SPATA31E1: variants seen among roughly 807,000 people sequenced by gnomAD.
The protein encoded by SPATA31E1 is SPATA31 subfamily E member 1.
SPATA31E1 carries 7 observed loss-of-function variants against 12.9 expected under a neutral mutation model. That is an observed-to-expected ratio of 0.54 (90% CI 0.31 to 1.02). SPATA31E1 has a LOEUF of 1.02. SPATA31E1 is among the 50% of genes least tolerant of loss of function. The pLI is 0.05. For synonymous variants in SPATA31E1, 771 were observed against 719.0 expected, an observed-to-expected ratio of 1.07 and a Z score of -1.16; for missense variants, 1,961 against 1,799.8, an observed-to-expected ratio of 1.09 and a Z score of -1.62.
chr9:87,884,089 G>A, intron 2 of SPATA31E1, 43 bp downstream of exon 2: 1 of 1,566,106 alleles, frequency 6.4e-7, no homozygotes, highest in South Asian at 1.2e-5. Flanking sequence ...AGGTAACTGA[G>A]CTTTGCCTGT....
At position 87,885,541 on chromosome 9, in the gene SPATA31E1, G is replaced by A. The variant is rs776407306; in HGVS notation, c.1054G>A (p.Gly352Ser). The stretch of plus-strand genomic sequence containing the variant: ...CCCCACACCCAAGCACATGGAGGTA[G>A]GTGGCTGCACATTCATCCACCCTGA... ...GDPTPKHMEV[G>S]GCTFIHPDVQ... The change falls in exon 4 of 4, where the codon GGT (glycine) becomes AGT (serine). Residue 352 changes from glycine to serine, a missense_variant. Coordinates refer to ENST00000325643, the MANE Select transcript of SPATA31E1 (RefSeq NM_178828.5). 3 of 1,614,194 alleles carry A rather than the reference G, an allele frequency of 1.9e-6. No homozygotes were observed. The Admixed American group carries it at 5.0e-5, about 27-fold the overall frequency.
chr9:87,883,364 C>T (rs983321429), intron 1 of SPATA31E1, among the ~76,000 whole-genome samples, 164 bp downstream of exon 1: 3 of 152,164 alleles, frequency 2.0e-5, no homozygotes, highest in South Asian at 2.1e-4. Context: ...CAGAGGATTC[C>T]ATCCCGAGCT....
Position 87,888,229 on chromosome 9 carries a change from A to C in SPATA31E1, c.3742A>C (p.Asn1248His), listed in dbSNP as rs546006233. The change falls in exon 4 of 4, where the codon AAC becomes CAC. Residue 1248 changes from asparagine (N) to histidine (H), a missense_variant. Physicochemically the swap from Asn to His is moderately conservative, Grantham distance 68 (BLOSUM62 1). Coordinates refer to ENST00000325643, the MANE Select transcript of SPATA31E1 (RefSeq NM_178828.5). ...AGGAGACAAACAAGAAAGGAAATACAACCAGCTTCAGCTGGAGAAGGGACA... is the reference window on the plus strand; with the variant it reads ...AGGAGACAAACAAGAAAGGAAATACCACCAGCTTCAGCTGGAGAAGGGACA... ...EIGDKQERKY[N>H]QLQLEKGQTP... The C allele has an allele frequency of 3.1e-6, 5 of 1,614,034 alleles. No homozygotes were observed. Among genetic ancestry groups the C allele is most frequent in the Non-Finnish European group, 4.2e-6 (5 of 1,180,020 alleles).
Position 87,887,681 on chromosome 9 carries a change from G to A in SPATA31E1, c.3194G>A (p.Arg1065Lys), listed in dbSNP as rs770543472. The A allele has an allele frequency of 6.2e-7, 1 of 1,614,174 alleles. No homozygotes were observed. Among genetic ancestry groups the A allele is most frequent in the Admixed American group, 1.7e-5 (1 of 60,028 alleles). ...ASSGSVQEDLRSTGALGTTGN... is the reference protein window; with the variant it reads ...ASSGSVQEDLKSTGALGTTGN... ...TCGGGAAGTGTTCAGGAGGATCTGA[G>A]GAGCACAGGGGCTCTGGGGACCACT... Residue 1065 changes from arginine to lysine, a missense_variant, in exon 4 of 4, where the codon AGG (arginine) becomes AAG (lysine). Coordinates refer to ENST00000325643, the MANE Select transcript of SPATA31E1 (RefSeq NM_178828.5).
chr9:87,884,477 C>T (rs1393721185), intron 2 of SPATA31E1, 114 bp from the exon 3 acceptor site: 10 of 1,075,398 alleles, frequency 9.3e-6, no homozygotes, highest in South Asian at 2.7e-5. Flanking sequence ...GACACAGATG[C>T]GAGGGCTTCA....
rs1443032924 is a variant in SPATA31E1 at position 87,885,408 on chromosome 9, T to C, written c.921T>C (p.Tyr307=). 6.2e-7 allele frequency: 1 copy of C among 1,613,954 alleles called. No homozygotes were observed. The highest frequency in any genetic ancestry group is 1.1e-5 in the South Asian group (1 of 91,068). ...CCAGCGATCCCATCTGGGACCTCTA[T>C]TGCTGGAGGGAGGCTGCCACCACCT... is the stretch of plus-strand genomic sequence containing the variant. ...GCSSDPIWDL[Y]CWREAATTWG... is the part of the protein sequence containing the mutation. The change falls in exon 4 of 4, where the codon TAT becomes TAC. Residue 307 remains tyrosine (Y), a synonymous_variant. Coordinates refer to ENST00000325643, the MANE Select transcript of SPATA31E1 (RefSeq NM_178828.5).
rs1318142729 is a variant in SPATA31E1 at position 87,885,286 on chromosome 9, C to T, written c.799C>T (p.Gln267Ter). Residue 267 changes from glutamine to a stop codon, truncating the protein, a stop_gained, in exon 4 of 4, where the codon CAG (glutamine) becomes TAG (stop). Coordinates refer to ENST00000325643, the MANE Select transcript of SPATA31E1 (RefSeq NM_178828.5). LOFTEE classifies it low-confidence loss of function (END_TRUNC). ...ACCCGACTCCAGCCTGGCTGGACTT[C>T]AGTGTGGCTCCACAACATGCCCCGT... is the stretch of plus-strand genomic sequence containing the variant. ...PPPDSSLAGL[Q>*]CGSTTCPVPQ... 1.2e-6 allele frequency: 2 copies of T among 1,614,006 alleles called. No individual in the cohort carries two copies. Among genetic ancestry groups the T allele is most frequent in the African/African-American group, 2.7e-5 (2 of 74,922 alleles).
Position 87,884,886 on chromosome 9 carries a change from G to A in SPATA31E1, c.426-27G>A, listed in dbSNP as rs776352952. 4.4e-6 allele frequency: 7 copies of A among 1,581,928 alleles called. No homozygotes were observed. In the South Asian group the frequency reaches 6.9e-5, roughly 16 times the overall value. ...TTCCCGGCCCCATCTACCCCTGGCTGCAGCTTGTGCCTCTTGTCTCCTGCA... is the reference window on the plus strand; with the variant it reads ...TTCCCGGCCCCATCTACCCCTGGCTACAGCTTGTGCCTCTTGTCTCCTGCA... On this transcript the variant is annotated intron_variant, in intron 3 of 3. Coordinates refer to ENST00000325643, the MANE Select transcript of SPATA31E1 (RefSeq NM_178828.5).
intron 3 of SPATA31E1, 84 bp downstream of exon 3, chr9:87,884,735 G>T (rs1318844897): frequency 8.9e-6 from 14 of 1,569,736 alleles, no homozygotes; most frequent in Middle Eastern, 1.7e-4. Context: ...TGATCTGGGA[G>T]GGGGAGGTCC....
chr9:87,885,056 C>T lies in SPATA31E1; in HGVS notation c.569C>T (p.Ser190Phe), dbSNP rs756036352. The T allele has an allele frequency of 1.9e-6, 3 of 1,614,152 alleles. No individual in the cohort carries two copies. In the South Asian group the frequency reaches 3.3e-5, roughly 18 times the overall value. Reference protein sequence around the residue: ...CMQDPSPASLSPPAPPAPLAS... With the variant: ...CMQDPSPASLFPPAPPAPLAS... Reference sequence around the variant, plus strand: ...CAAGATCCGTCTCCTGCCAGCTTGTCCCCACCAGCTCCCCCAGCTCCTCTG... The same window carrying T: ...CAAGATCCGTCTCCTGCCAGCTTGTTCCCACCAGCTCCCCCAGCTCCTCTG... The change falls in exon 4 of 4, where the codon TCC becomes TTC. Residue 190 changes from serine (S) to phenylalanine (F), a missense_variant. Coordinates refer to ENST00000325643, the MANE Select transcript of SPATA31E1 (RefSeq NM_178828.5).
In SPATA31E1 at chr9:87,885,470, C is replaced by T. The variant is rs1828250811; in HGVS notation, c.983C>T (p.Pro328Leu). 6.2e-7 allele frequency: 1 copy of T among 1,613,926 alleles called. No individual in the cohort carries two copies. Among genetic ancestry groups the T allele is most frequent in the Admixed American group, 1.7e-5 (1 of 60,010 alleles). Residue 328 changes from proline (P) to leucine (L), a missense_variant, in exon 4 of 4, where the codon CCA becomes CTA. By Grantham distance (98) the Pro-to-Leu change is moderately conservative. Coordinates refer to ENST00000325643, the MANE Select transcript of SPATA31E1 (RefSeq NM_178828.5). ...LSTYSHGKSQ[P>L]RHLPDHTSEA... is the part of the protein sequence containing the mutation. The stretch of plus-strand genomic sequence containing the variant: ...ACCTACTCACATGGCAAATCCCAGC[C>T]ACGGCATCTTCCCGACCACACCTCA...
chr9:87,886,526 C>G lies in SPATA31E1; in HGVS notation c.2039C>G (p.Pro680Arg). 1 of 1,614,024 alleles carries G rather than the reference C, an allele frequency of 6.2e-7. No homozygotes were observed. Among genetic ancestry groups the G allele is most frequent in the East Asian group, 2.2e-5 (1 of 44,848 alleles). Residue 680 changes from proline to arginine, a missense_variant, in exon 4 of 4, where the codon CCT (proline) becomes CGT (arginine). Coordinates refer to ENST00000325643, the MANE Select transcript of SPATA31E1 (RefSeq NM_178828.5). ...CAGCAGGCCCTCTTGCCCTCCCAGC[C>G]TTCTGACTTTGCAGGGAAGGGCAGG... is the stretch of plus-strand genomic sequence containing the variant. ...DTQQALLPSQPSDFAGKGRKD... is the reference protein window; with the variant it reads ...DTQQALLPSQRSDFAGKGRKD...
intron 2 of SPATA31E1, among the ~76,000 whole-genome samples, 183 bp downstream of exon 2, chr9:87,884,229 G>C (rs1164701994): frequency 6.6e-6 from 1 of 152,222 alleles, no homozygotes; most frequent in South Asian, 2.1e-4. Context: ...ATAAGGGGGC[G>C]GTGTGGGGAA....
chr9:87,887,731 T>G lies in SPATA31E1; in HGVS notation c.3244T>G (p.Cys1082Gly). 6.2e-7 allele frequency: 1 copy of G among 1,614,102 alleles called. No individual in the cohort carries two copies. The highest frequency in any genetic ancestry group is 1.1e-5 in the South Asian group (1 of 91,084). Residue 1082 changes from cysteine to glycine, a missense_variant, in exon 4 of 4, where the codon TGT becomes GGT. Physicochemically the swap from Cys to Gly is radical, Grantham distance 159 (BLOSUM62 -3). Transcript: ENST00000325643. ...TGGTAACCCCTCAGCGTCTTCAGTC[T>G]GTGTTGCTCAGGATCCAGAGCAGCT... ...TTGNPSASSV[C>G]VAQDPEQLHL...
Position 87,883,220 on chromosome 9 carries a change from G to A in SPATA31E1, c.309+20G>A, listed in dbSNP as rs1395502717. 2 of 1,551,990 alleles carry A rather than the reference G, an allele frequency of 1.3e-6. No homozygotes were observed. The highest frequency in any genetic ancestry group is 1.8e-6 in the Non-Finnish European group (2 of 1,142,062). ...AGGGAGGTAAGGAGTCCTCAGCCCAGCCCCACAGAGAAAGATTCTCTCTTC... is the reference window on the plus strand; with the variant it reads ...AGGGAGGTAAGGAGTCCTCAGCCCAACCCCACAGAGAAAGATTCTCTCTTC... On this transcript the variant is annotated intron_variant, in intron 1 of 3. Coordinates refer to ENST00000325643, the MANE Select transcript of SPATA31E1 (RefSeq NM_178828.5).
In SPATA31E1 at chr9:87,886,413, C is replaced by A. The variant is rs1249411095; in HGVS notation, c.1926C>A (p.Gly642=). ...RNAIHQEQSC[G]PPSRLQASGD... ...CCATCCACCAGGAGCAGTCCTGTGG[C>A]CCTCCCAGCAGATTGCAGGCATCTG... The change falls in exon 4 of 4, where the codon GGC becomes GGA. Residue 642 remains glycine, a synonymous_variant. Coordinates refer to ENST00000325643, the MANE Select transcript of SPATA31E1 (RefSeq NM_178828.5). 1 of 1,613,796 alleles carries A rather than the reference C, an allele frequency of 6.2e-7. No homozygotes were observed. The highest frequency in any genetic ancestry group is 1.3e-5 in the African/African-American group (1 of 74,892).
chr9:87,883,294 G>A, intron 1 of SPATA31E1, 94 bp downstream of exon 1: 3 of 1,489,038 alleles, frequency 2.0e-6, no homozygotes, highest in South Asian at 1.3e-5. Flanking sequence ...AGACCCTTCT[G>A]TGATGGGAAA....
rs749787370 is a variant in SPATA31E1, at chr9:87,885,293, G to T, written c.806G>T (p.Gly269Val). ...PDSSLAGLQC[G>V]STTCPVPQSS... ...TCCAGCCTGGCTGGACTTCAGTGTG[G>T]CTCCACAACATGCCCCGTCCCCCAG... The change falls in exon 4 of 4, where the codon GGC becomes GTC. Residue 269 changes from glycine (G) to valine (V), a missense_variant. By Grantham distance (109) the Gly-to-Val change is moderately radical. Transcript: ENST00000325643. 1.2e-5 allele frequency: 20 copies of T among 1,613,902 alleles called. No homozygotes were observed. Among genetic ancestry groups the T allele is most frequent in the Non-Finnish European group, 1.6e-5 (19 of 1,179,986 alleles).
chr9:87,888,090 G>A lies in SPATA31E1; in HGVS notation c.3603G>A (p.Ala1201=), dbSNP rs369658333. The A allele has an allele frequency of 2.2e-5, 35 of 1,601,486 alleles. No homozygotes were observed. The highest frequency in any genetic ancestry group is 1.5e-4 in the African/African-American group (11 of 74,632). ...PQKSQKTLGC[A]DKGEAHRRPR... is the part of the protein sequence containing the mutation. ...AGAGTCAGAAGACGCTGGGCTGTGC[G>A]GACAAGGGCGAGGCCCACAGGAGGC... Residue 1201 remains alanine (A), a synonymous_variant, in exon 4 of 4, where the codon GCG becomes GCA. Transcript: ENST00000325643.
Sources: gnomAD v4.1 joint callset for allele counts (sites outside exome capture counted in the v4.1 genomes callset) on GRCh38, gnomAD v4.1.1 for gene constraint, MANE v1.5 for transcripts, NCBI Gene and HGNC (gene_info 2026-07-23, HGNC 2026-07-21) for gene names.